PCCA: variants seen among roughly 807,000 people sequenced by gnomAD.
PCCA encodes propionyl-CoA carboxylase alpha chain, mitochondrial.
In PCCA, 74 loss-of-function variants were observed where a neutral mutation model predicts 101.3. The observed-to-expected ratio is 0.73, with a 90% confidence interval of 0.61 to 0.89. The LOEUF (loss-of-function observed/expected upper bound fraction) is 0.89. Ranked by LOEUF, PCCA falls within the 40% of genes least tolerant of loss-of-function variation. The probability of loss-of-function intolerance (pLI) is 0.00; values close to 1 mark genes in which losing one functional copy is unlikely to be tolerated. For synonymous variants in PCCA, 294 were observed against 313.6 expected, an observed-to-expected ratio of 0.94 and a Z score of 0.66; for missense variants, 891 against 907.0, an observed-to-expected ratio of 0.98 and a Z score of 0.23.
chr13:100,200,445 GCTT>G (rs1434536033), intron 6 of PCCA, among the ~76,000 whole-genome samples: 12 of 152,174 alleles, frequency 7.9e-5, no homozygotes, highest in Non-Finnish European at 1.6e-4. Flanking sequence ...AAATGCCTTG[GCTT>G]CTTCTAATGG....
At position 100,244,136 on chromosome 13, in the gene PCCA, T is replaced by C. The variant is rs534649857; in HGVS notation, c.637+8258T>C. 2.0e-5 allele frequency among the ~76,000 whole-genome samples: 3 copies of C among 152,320 alleles called. No individual in the cohort carries two copies. The East Asian group carries it at 5.8e-4, about 29-fold the overall frequency. On this transcript the variant is annotated intron_variant, in intron 8 of 23. Coordinates refer to ENST00000376285, the MANE Select transcript of PCCA (RefSeq NM_000282.4). ...CCAATTTCGTCTTCAGGAGAAGACATTTAATATTTAAGGAGATTGAATAAC... is the reference window on the plus strand; with the variant it reads ...CCAATTTCGTCTTCAGGAGAAGACACTTAATATTTAAGGAGATTGAATAAC...
In PCCA at chr13:100,200,351, G is replaced by A. The variant is rs369433477; in HGVS notation, c.469-8981G>A. Among the ~76,000 whole-genome samples, 16 of 152,134 alleles carry A rather than the reference G, an allele frequency of 1.1e-4. No homozygotes were observed. The East Asian group carries it at 2.5e-3, about 24-fold the overall frequency. On this transcript the variant is annotated intron_variant, in intron 6 of 23. Coordinates refer to ENST00000376285, the MANE Select transcript of PCCA (RefSeq NM_000282.4). ...GATTTCCTGACCTCGTGATCCACCC[G>A]CCTTGGCCTCCCAAAGTGCTGGGAT...
intron 18 of PCCA, among the ~76,000 whole-genome samples, chr13:100,348,804 CTTCCTTCCTTCCT>C (rs1390268335): frequency 0.035 from 2,296 of 64,800 alleles, 122 homozygotes; most frequent in African/African-American, 0.12. Flanking sequence ...TCCTTCCTTC[CTTCCTTCCTTCCT>C]TTCTTTCTTT....
chr13:100,493,351 G>T (rs1450232268), intron 21 of PCCA, among the ~76,000 whole-genome samples: 3 of 152,152 alleles, frequency 2.0e-5, no homozygotes, highest in African/African-American at 7.2e-5. Flanking sequence ...TGGATGTGGA[G>T]GTGTGCGCTG....
At chr13:100,312,052 T>C (rs2066957827) in intron 16 of PCCA, among the ~76,000 whole-genome samples, 1 of 152,182 alleles carries the variant, frequency 6.6e-6, no homozygotes, top group Non-Finnish European at 1.5e-5. Flanking sequence ...ATCTTTATCT[T>C]GTTTGTATGC....
intron 18 of PCCA, among the ~76,000 whole-genome samples, chr13:100,365,316 C>G (rs2075056723): frequency 6.6e-6 from 1 of 152,114 alleles, no homozygotes; most frequent in African/African-American, 2.4e-5. Flanking sequence ...AGATGTGAAT[C>G]AAAATAAAAC....
chr13:100,391,927 CTGTT>C (rs1057380531), intron 19 of PCCA, among the ~76,000 whole-genome samples: 6 of 151,986 alleles, frequency 3.9e-5, no homozygotes, highest in Non-Finnish European at 8.8e-5. Flanking sequence ...GTTATTGTTA[CTGTT>C]TGTTTTGTCT....
At chr13:100,322,261 T>C (rs961329357) in intron 16 of PCCA, among the ~76,000 whole-genome samples, 3 of 152,084 alleles carry the variant, frequency 2.0e-5, no homozygotes, top group African/African-American at 7.2e-5. Context: ...AAGCAAGCAA[T>C]GAGAGAGTCG....
At chr13:100,459,262 C>G in intron 21 of PCCA, among the ~76,000 whole-genome samples, 1 of 152,156 alleles carries the variant, frequency 6.6e-6, no homozygotes, top group East Asian at 1.9e-4. Context: ...CAAATAAGGT[C>G]ACATTCTGAG....
chr13:100,139,113 G>GT (rs1262143911), intron 4 of PCCA, among the ~76,000 whole-genome samples: 1 of 151,876 alleles, frequency 6.6e-6, no homozygotes, highest in Non-Finnish European at 1.5e-5. Context: ...ATCCATAGTA[G>GT]TTTGAGTATC....
At chr13:100,444,113 C>T (rs148129463) in intron 20 of PCCA, among the ~76,000 whole-genome samples, 48 of 152,226 alleles carry the variant, frequency 3.2e-4, no homozygotes, top group Middle Eastern at 3.4e-3. Flanking sequence ...TTTCTGGCCA[C>T]GCTGAACTGC....
chr13:100,514,261 C>A (rs184850579), intron 21 of PCCA, among the ~76,000 whole-genome samples: 71 of 152,272 alleles, frequency 4.7e-4, no homozygotes, highest in Non-Finnish European at 7.4e-5. Flanking sequence ...GTCGCAAATC[C>A]ACTTGGAACT....
At chr13:100,525,026 T>TAGATAGACAGAC (rs1178941372) in intron 22 of PCCA, among the ~76,000 whole-genome samples, 18 of 142,524 alleles carry the variant, frequency 1.3e-4, no homozygotes, top group African/African-American at 4.5e-4. Flanking sequence ...GATAGATAGA[T>TAGATAGACAGAC]AGACAGACAG....
chr13:100,171,848 C>T (rs187475003), intron 6 of PCCA, among the ~76,000 whole-genome samples: 211 of 152,068 alleles, frequency 1.4e-3, no homozygotes, highest in Non-Finnish European at 2.7e-3. Flanking sequence ...CTGGCTAACA[C>T]GGTGAAACCC....
chr13:100,409,121 C>T (rs1052535263), intron 19 of PCCA, among the ~76,000 whole-genome samples: 3 of 152,080 alleles, frequency 2.0e-5, no homozygotes, highest in Non-Finnish European at 4.4e-5. Context: ...CTGCTGCTCT[C>T]TGGTCCCTCC....
At chr13:100,150,573 C>T (rs1237842348) in intron 4 of PCCA, 2 of 1,250,844 alleles carry the variant, frequency 1.6e-6, no homozygotes, top group Non-Finnish European at 2.3e-6. Flanking sequence ...CGGCCGTTTC[C>T]AAGGGCCAGG....
chr13:100,381,876 C>A (rs977652384), intron 19 of PCCA, among the ~76,000 whole-genome samples: 1 of 152,222 alleles, frequency 6.6e-6, no homozygotes, highest in Admixed American at 6.5e-5. Flanking sequence ...TGAGTGGGTG[C>A]AGGAACCAGA....
chr13:100,262,798 A>C lies in PCCA; in HGVS notation c.786A>C (p.Lys262Asn). The C allele has an allele frequency of 6.5e-7, 1 of 1,541,912 alleles. No individual in the cohort carries two copies. The highest frequency in any genetic ancestry group is 9.0e-7 in the Non-Finnish European group (1 of 1,115,984). ...SFGDDRLLIE[K>N]FIDNPRHIEI... ...GCGATGATAGACTACTAATAGAAAAATTTATTGATAATCCTCGTCATATAG... is the reference window on the plus strand; with the variant it reads ...GCGATGATAGACTACTAATAGAAAACTTTATTGATAATCCTCGTCATATAG... The change falls in exon 10 of 24, where the codon AAA (lysine) becomes AAC (asparagine). Residue 262 changes from lysine (K) to asparagine (N), a missense_variant. Transcript: ENST00000376285.
intron 9 of PCCA, among the ~76,000 whole-genome samples, chr13:100,260,331 C>T (rs1253354282): frequency 6.6e-6 from 1 of 150,742 alleles, no homozygotes; most frequent in South Asian, 2.1e-4. Flanking sequence ...TGAAATTTGT[C>T]TTCTAGTCAG....
Sources: gnomAD v4.1 joint callset for allele counts (sites outside exome capture counted in the v4.1 genomes callset) on GRCh38, gnomAD v4.1.1 for gene constraint, MANE v1.5 for transcripts, NCBI Gene and HGNC (gene_info 2026-07-23, HGNC 2026-07-21) for gene names.